Variants in CHST9 observed in about 807,000 individuals in gnomAD.
The protein encoded by CHST9 is GalNAc-4-sulfotransferase 2.
A neutral mutation model predicts 44.4 loss-of-function variants in CHST9; 41 were observed. That is an observed-to-expected ratio of 0.92 (90% CI 0.72 to 1.20). The LOEUF is 1.20. Ranked by LOEUF, CHST9 falls within the 50% of genes most tolerant of loss-of-function variation. CHST9 has a pLI of 0.00. For missense variants in CHST9, 504 were observed against 516.5 expected, an observed-to-expected ratio of 0.98 and a Z score of 0.23; for synonymous variants, 171 against 178.4, an observed-to-expected ratio of 0.96 and a Z score of 0.33.
intron 4 of CHST9, among the ~76,000 whole-genome samples, chr18:26,969,990 T>C (rs1042996500): frequency 1.3e-5 from 2 of 152,180 alleles, no homozygotes; most frequent in African/African-American, 2.4e-5. Context: ...ATTTACTTCT[T>C]TGTTTCCTTT....
intron 4 of CHST9, among the ~76,000 whole-genome samples, chr18:26,993,882 G>A (rs149293802): frequency 6.4e-4 from 97 of 152,284 alleles, no homozygotes; most frequent in African/African-American, 2.1e-3. Context: ...TGTACTCCTC[G>A]TGGTTCTGGA....
chr18:27,105,208 C>T (rs1386504805), intron 2 of CHST9, among the ~76,000 whole-genome samples: 1 of 152,074 alleles, frequency 6.6e-6, no homozygotes, highest in Non-Finnish European at 1.5e-5. Flanking sequence ...TTTCTTTACT[C>T]ATCAAAGTTT....
chr18:27,122,516 G>A (rs117219241), intron 2 of CHST9, among the ~76,000 whole-genome samples: 8 of 152,252 alleles, frequency 5.3e-5, no homozygotes, highest in East Asian at 1.9e-4. Flanking sequence ...ACATAATTAC[G>A]CTAGTTTCAG....
At chr18:27,174,304 T>C (rs764476020) in intron 1 of CHST9, among the ~76,000 whole-genome samples, 3 of 151,990 alleles carry the variant, frequency 2.0e-5, no homozygotes, top group Non-Finnish European at 4.4e-5. Context: ...TCCAGGTTAG[T>C]TGTAGTGAAG....
chr18:27,149,212 G>C (rs556006613), intron 1 of CHST9, among the ~76,000 whole-genome samples: 3 of 142,522 alleles, frequency 2.1e-5, no homozygotes, highest in South Asian at 2.5e-4. Flanking sequence ...GTAGGTGCCT[G>C]TTCACTCTGA....
rs1009235717 is a variant in CHST9 at position 27,105,153 on chromosome 18, A to T, written c.121+37536T>A. On this transcript the variant is annotated intron_variant, in intron 2 of 5. Transcript: ENST00000618847. The stretch of plus-strand genomic sequence containing the variant: ...CATTAGTAAAATAGATAAATTTTTT[A>T]AAAAATAATTTATTACTATAAAAAA... Among the ~76,000 whole-genome samples the T allele has an allele frequency of 4.6e-5, 7 of 152,134 alleles. No homozygotes were observed. In the South Asian group the frequency reaches 1.2e-3, roughly 27 times the overall value.
At chr18:26,976,306 T>C (rs943227466) in intron 4 of CHST9, among the ~76,000 whole-genome samples, 7 of 151,798 alleles carry the variant, frequency 4.6e-5, no homozygotes, top group African/African-American at 1.5e-4. Flanking sequence ...GAAAAAGGAG[T>C]TGTGGCCAAA....
chr18:27,025,016 G>A (rs2057269284), intron 3 of CHST9, among the ~76,000 whole-genome samples: 1 of 149,100 alleles, frequency 6.7e-6, no homozygotes. Context: ...TTGGCTTTTT[G>A]GGTTACATGG....
At chr18:27,179,108 A>C (rs544836866) in intron 1 of CHST9, among the ~76,000 whole-genome samples, 22 of 151,358 alleles carry the variant, frequency 1.5e-4, no homozygotes, top group South Asian at 4.2e-4. Context: ...CTCTCTCTAT[A>C]TATATATATA....
intron 5 of CHST9, among the ~76,000 whole-genome samples, chr18:26,924,189 A>G (rs963263595): frequency 1.3e-5 from 2 of 152,188 alleles, no homozygotes; most frequent in Non-Finnish European, 2.9e-5. Flanking sequence ...AGGAATCCTT[A>G]GGAGAGGAAC....
At chr18:27,096,123 C>G (rs2058114684) in intron 2 of CHST9, among the ~76,000 whole-genome samples, 2 of 151,896 alleles carry the variant, frequency 1.3e-5, no homozygotes, top group African/African-American at 4.8e-5. Flanking sequence ...ACATCAATAC[C>G]AAGAAGATCT....
intron 5 of CHST9, among the ~76,000 whole-genome samples, chr18:26,940,180 G>A (rs1213802986): frequency 6.6e-6 from 1 of 152,064 alleles, no homozygotes; most frequent in East Asian, 1.9e-4. Flanking sequence ...TCCATGTTTT[G>A]TGTGCTCTCA....
chr18:26,931,280 T>C (rs1445199397), intron 5 of CHST9, among the ~76,000 whole-genome samples: 1 of 152,102 alleles, frequency 6.6e-6, no homozygotes, highest in Non-Finnish European at 1.5e-5. Flanking sequence ...TGCCCAGAAA[T>C]AGTATCACAG....
chr18:27,107,626 C>G (rs1400924814), intron 2 of CHST9, among the ~76,000 whole-genome samples: 1 of 152,178 alleles, frequency 6.6e-6, no homozygotes, highest in Admixed American at 6.5e-5. Context: ...CATCTGTTAA[C>G]AGCTCTGGAG....
chr18:27,046,181 C>G (rs2057497935), intron 3 of CHST9, among the ~76,000 whole-genome samples: 1 of 151,936 alleles, frequency 6.6e-6, no homozygotes, highest in African/African-American at 2.4e-5. Flanking sequence ...TAATCTCATT[C>G]TTTCCAATGC....
intron 2 of CHST9, among the ~76,000 whole-genome samples, chr18:27,081,066 TC>T (rs1295201205): frequency 1.3e-5 from 2 of 152,116 alleles, no homozygotes; most frequent in Non-Finnish European, 2.9e-5. Flanking sequence ...GATAAAAACA[TC>T]TGGGGCAGAA....
chr18:27,113,699 C>T (rs1367487295), intron 2 of CHST9, among the ~76,000 whole-genome samples: 2 of 152,104 alleles, frequency 1.3e-5, no homozygotes, highest in African/African-American at 4.8e-5. Flanking sequence ...TCTATTGGCA[C>T]CTTGATCTTA....
At chr18:26,959,747 A>G (rs1157187494) in intron 4 of CHST9, among the ~76,000 whole-genome samples, 1 of 152,202 alleles carries the variant, frequency 6.6e-6, no homozygotes, top group Non-Finnish European at 1.5e-5. Context: ...AGTATCACGG[A>G]GGACTCTAGA....
At chr18:27,100,923 G>A (rs1410592727) in intron 2 of CHST9, among the ~76,000 whole-genome samples, 2 of 152,178 alleles carry the variant, frequency 1.3e-5, no homozygotes, top group Non-Finnish European at 2.9e-5. Context: ...CCTATTGGTT[G>A]GGACAGAGGA....
Sources: allele counts gnomAD v4.1 joint callset (sites outside exome capture counted in the v4.1 genomes callset), GRCh38; gene constraint gnomAD v4.1.1; transcripts MANE v1.5; gene names NCBI Gene and HGNC (gene_info 2026-07-23, HGNC 2026-07-21).